Variants in MMUT observed in about 807,000 individuals in gnomAD.
MMUT encodes the protein methylmalonyl-CoA mutase.
In MMUT, 79 loss-of-function variants were observed where a neutral mutation model predicts 79.9. The ratio of observed to expected loss-of-function variants is 0.99; its 90% CI spans 0.82 to 1.19. The LOEUF (loss-of-function observed/expected upper bound fraction) is 1.19, where lower values mean the gene tolerates loss of function less well. MMUT is among the 50% of genes most tolerant of loss of function. The pLI, the probability that MMUT is intolerant of heterozygous loss-of-function variation, is 0.00. For synonymous variants in MMUT, 273 were observed against 295.7 expected (o/e 0.92, Z 0.79); for missense variants, 860 against 917.2 (o/e 0.94, Z 0.81).
chr6:49,449,601 T>C (rs1767498867), intron 6 of MMUT, among the ~76,000 whole-genome samples: 1 of 152,002 alleles, frequency 6.6e-6, no homozygotes, highest in African/African-American at 2.4e-5. Flanking sequence ...CAATGAACTA[T>C]CAAATACCAA....
At chr6:49,462,448 A>T (rs1448005913) in intron 1 of MMUT, among the ~76,000 whole-genome samples, 2 of 152,240 alleles carry the variant, frequency 1.3e-5, no homozygotes, top group African/African-American at 4.8e-5. Flanking sequence ...TAAGTACATC[A>T]TTAAACACAA....
At chr6:49,432,648 A>G (rs1316845165) in intron 12 of MMUT, among the ~76,000 whole-genome samples, 1 of 152,148 alleles carries the variant, frequency 6.6e-6, no homozygotes, top group South Asian at 2.1e-4. Flanking sequence ...TGGCCTCCCA[A>G]AGTGCTGGGA....
intron 1 of MMUT, among the ~76,000 whole-genome samples, chr6:49,462,799 AC>A (rs1481901708): frequency 6.6e-6 from 1 of 152,160 alleles, no homozygotes; most frequent in Non-Finnish European, 1.5e-5. Context: ...GCCAACGGGA[AC>A]AGTTCAGGGT....
rs776778367 is a variant in MMUT at position 49,459,054 on chromosome 6, AATATT to A, written c.385+23_385+27del. On this transcript the variant is annotated intron_variant, in intron 2 of 12. Coordinates refer to ENST00000274813, the MANE Select transcript of MMUT (RefSeq NM_000255.4). ...ACTAGGAGGCATATGACTTATCATA[AATATT>A]ATGTCTTACATTAAAATCTCACCCT... 5.6e-6 allele frequency: 9 copies of A among 1,607,678 alleles called. No individual in the cohort carries two copies. In the African/African-American group the frequency reaches 9.3e-5, roughly 17 times the overall value.
At position 49,459,174 on chromosome 6, in the gene MMUT, G is replaced by A; in HGVS notation, c.293C>T (p.Thr98Ile). Residue 98 changes from threonine (T) to isoleucine (I), a missense_variant, in exon 2 of 13, where the codon ACC becomes ATC. Coordinates refer to ENST00000274813, the MANE Select transcript of MMUT (RefSeq NM_000255.4). ...GGTCCAGGGCCTAAAGGTATACATGGTAGGATATGGTCCACGTGTGAATGG... is the reference window on the plus strand; with the variant it reads ...GGTCCAGGGCCTAAAGGTATACATGATAGGATATGGTCCACGTGTGAATGG... ...VKPFTRGPYP[T>I]MYTFRPWTIR... The A allele has an allele frequency of 6.2e-7, 1 of 1,614,154 alleles. No homozygotes were observed. The highest frequency in any genetic ancestry group is 2.2e-5 in the East Asian group (1 of 44,878).
intron 10 of MMUT, 51 bp downstream of exon 10, chr6:49,441,788 AT>A (rs1488888207): frequency 6.3e-7 from 1 of 1,584,564 alleles, no homozygotes; most frequent in Non-Finnish European, 8.6e-7. Context: ...ATTCAAGGGG[AT>A]TGTGCTAACA....
In MMUT at chr6:49,435,616, CGA is replaced by C. The variant is rs1554158377; in HGVS notation, c.1962_1963del (p.Arg655Ter). The stretch of plus-strand genomic sequence containing the variant: ...ATCCACAGCCTGCTGGGCCACTTCA[CGA>C]GGAGTCTAAACAGTCAGAAAGTAAA... On this transcript the variant is annotated frameshift_variant, in exon 12 of 13. Coordinates refer to ENST00000274813, the MANE Select transcript of MMUT (RefSeq NM_000255.4). LOFTEE classifies it high-confidence loss of function. The C allele has an allele frequency of 6.2e-7, 1 of 1,613,536 alleles. No homozygotes were observed. The highest frequency in any genetic ancestry group is 8.5e-7 in the Non-Finnish European group (1 of 1,179,802).
In MMUT at chr6:49,459,106, T is replaced by G; in HGVS notation, c.361A>C (p.Lys121Gln). Reference protein sequence around the residue: ...AGFSTVEESNKFYKDNIKAGQ... With the variant: ...AGFSTVEESNQFYKDNIKAGQ... ...CCCTTAATGTTGTCCTTATAGAACT[T>G]ATTGCTTTCTTCCACAGTACTAAAA... Residue 121 changes from lysine to glutamine, a missense_variant, in exon 2 of 13, where the codon AAG (lysine) becomes CAG (glutamine). Coordinates refer to ENST00000274813, the MANE Select transcript of MMUT (RefSeq NM_000255.4). 1 of 1,614,110 alleles carries G rather than the reference T, an allele frequency of 6.2e-7. No homozygotes were observed. The highest frequency in any genetic ancestry group is 1.1e-5 in the South Asian group (1 of 91,080).
Position 49,435,496 on chromosome 6 carries a change from G to A in MMUT, c.2084C>T (p.Pro695Leu), listed in dbSNP as rs561197473. 8.1e-6 allele frequency: 13 copies of A among 1,614,078 alleles called. No homozygotes were observed. In the East Asian group the frequency reaches 1.8e-4, roughly 22 times the overall value. ...LIKELNSLGR[P>L]DILVMCGGVI... ...CCCTCCACACATGACAAGAATATCTGGCCGTCCAAGGGAGTTAAGTTCTTT... is the reference window on the plus strand; with the variant it reads ...CCCTCCACACATGACAAGAATATCTAGCCGTCCAAGGGAGTTAAGTTCTTT... Residue 695 changes from proline to leucine, a missense_variant, in exon 12 of 13, where the codon CCA (proline) becomes CTA (leucine). Coordinates refer to ENST00000274813, the MANE Select transcript of MMUT (RefSeq NM_000255.4).
intron 8 of MMUT, among the ~76,000 whole-genome samples, chr6:49,445,660 A>G (rs978505478): frequency 2.0e-5 from 3 of 152,084 alleles, no homozygotes; most frequent in South Asian, 4.1e-4. Context: ...TGTAAATACT[A>G]TATAAATAGT....
intron 11 of MMUT, among the ~76,000 whole-genome samples, chr6:49,439,714 G>A (rs1476310528): frequency 1.3e-5 from 2 of 152,124 alleles, no homozygotes; most frequent in Non-Finnish European, 2.9e-5. Flanking sequence ...ATTATCCTTA[G>A]AAGGAATATC....
chr6:49,461,643 C>T (rs747798594), intron 1 of MMUT, among the ~76,000 whole-genome samples: 1 of 152,094 alleles, frequency 6.6e-6, no homozygotes, highest in South Asian at 2.1e-4. Flanking sequence ...GTGGCGCACA[C>T]CAGTAATCCC....
rs1766949448 is a variant in MMUT at position 49,430,592 on chromosome 6, A to T, written c.*1136T>A. On this transcript the variant is annotated 3_prime_UTR_variant, in exon 13 of 13. Transcript: ENST00000274813. ...TTCTGAAAATTAAATACATTGTATTACAATGAGTTTGTAAATTCTACAGTA... is the reference window on the plus strand; with the variant it reads ...TTCTGAAAATTAAATACATTGTATTTCAATGAGTTTGTAAATTCTACAGTA... 6.7e-6 allele frequency: 1 copy of T among 149,436 alleles called. No individual in the cohort carries two copies. The highest frequency in any genetic ancestry group is 6.7e-5 in the Admixed American group (1 of 14,984). 9.3% of individuals were successfully genotyped at this position (149,436 alleles called of 1,614,324 possible).
chr6:49,434,995 A>G (rs1436406149), intron 12 of MMUT, among the ~76,000 whole-genome samples: 21 of 152,248 alleles, frequency 1.4e-4, no homozygotes, highest in Non-Finnish European at 2.9e-5. Flanking sequence ...AGCACAAGGT[A>G]GCTCCTTCTA....
At chr6:49,457,018 T>C (rs1246201594) in intron 3 of MMUT, among the ~76,000 whole-genome samples, 1 of 152,216 alleles carries the variant, frequency 6.6e-6, no homozygotes, top group Non-Finnish European at 1.5e-5. Flanking sequence ...TGCTAGAGTT[T>C]GGAGATAACA....
At chr6:49,439,873 A>G (rs1767226285) in intron 11 of MMUT, among the ~76,000 whole-genome samples, 1 of 152,190 alleles carries the variant, frequency 6.6e-6, no homozygotes, top group Non-Finnish European at 1.5e-5. Context: ...TAATCAGTAT[A>G]ATGTCATCAA....
Position 49,456,203 on chromosome 6 carries a change from C to A in MMUT, c.788G>T (p.Gly263Val). The change falls in exon 4 of 13, where the codon GGA (glycine) becomes GTA (valine). Residue 263 changes from glycine (G) to valine (V), a missense_variant. Gly to Val is a moderately radical substitution (Grantham distance 109). Coordinates refer to ENST00000274813, the MANE Select transcript of MMUT (RefSeq NM_000255.4). ...MPKFNSISIS[G>V]YHMQEAGADA... is the part of the protein sequence containing the mutation. ...AGCCCCTGCTTCCTGCATATGGTATCCACTAATTGAAATTGAATTAAATTT... is the reference window on the plus strand; with the variant it reads ...AGCCCCTGCTTCCTGCATATGGTATACACTAATTGAAATTGAATTAAATTT... The A allele has an allele frequency of 6.2e-7, 1 of 1,611,482 alleles. No individual in the cohort carries two copies. The highest frequency in any genetic ancestry group is 8.5e-7 in the Non-Finnish European group (1 of 1,177,910).
chr6:49,444,719 A>C lies in MMUT; in HGVS notation c.1596T>G (p.Arg532=), dbSNP rs1384452290. The C allele has an allele frequency of 1.9e-6, 3 of 1,613,350 alleles. No individual in the cohort carries two copies. Among genetic ancestry groups the C allele is most frequent in the Non-Finnish European group, 2.5e-6 (3 of 1,179,542 alleles). Residue 532 remains arginine, a synonymous_variant, in exon 9 of 13, where the codon CGT becomes CGG. Transcript: ENST00000274813. ...CACATTCGGTTAGTGCAGCAAGACAACGTTCAGCCAAAGCTTGATCCCTGC... is the reference window on the plus strand; with the variant it reads ...CACATTCGGTTAGTGCAGCAAGACACCGTTCAGCCAAAGCTTGATCCCTGC... ...KSSRDQALAE[R]CLAALTECAA...
chr6:49,458,786 T>C (rs370816975), intron 2 of MMUT, among the ~76,000 whole-genome samples: 54 of 152,348 alleles, frequency 3.5e-4, no homozygotes, highest in East Asian at 2.9e-3. Flanking sequence ...ACAATGTTAA[T>C]TGAACATTTT....
Sources: gnomAD v4.1 joint callset for allele counts (sites outside exome capture counted in the v4.1 genomes callset) on GRCh38, gnomAD v4.1.1 for gene constraint, MANE v1.5 for transcripts, NCBI Gene and HGNC (gene_info 2026-07-23, HGNC 2026-07-21) for gene names.